The following ZBTB46 variants were observed in gnomAD, a reference collection of about 807,000 sequenced individuals.
The protein encoded by ZBTB46 is zinc finger and BTB domain containing 46, also known as zinc finger and BTB domain-containing protein 46.
Under a neutral mutation model 44.1 loss-of-function variants are expected in ZBTB46, and 8 were observed. The observed-to-expected ratio is 0.18, with a 90% CI of 0.11 to 0.33. The LOEUF (loss-of-function observed/expected upper bound fraction) is 0.33. Among genes scored for constraint, ZBTB46 ranks in the 10% least tolerant of loss-of-function variants. ZBTB46 has a pLI of 1.00. For missense variants in ZBTB46, 651 were observed against 847.7 expected (o/e 0.77, Z 2.88); for synonymous variants, 409 against 382.3 (o/e 1.07, Z -0.81).
rs374089624 is a variant in ZBTB46, at chr20:63,803,139, G to A, written c.-33-12349C>T. Among the ~76,000 whole-genome samples the A allele has an allele frequency of 1.3e-5, 2 of 151,736 alleles. No individual in the cohort carries two copies. The highest frequency in any genetic ancestry group is 2.9e-5 in the Non-Finnish European group (2 of 67,854). On this transcript the variant is annotated intron_variant, in intron 1 of 4. Transcript: ENST00000245663. The surrounding 1 kb of genome is among the most constrained non-coding windows in gnomAD (Gnocchi z 4.0). Reference sequence around the variant, plus strand: ...GGCACCTCACCAGCAGGAACCAGGCGTGGGCACCATCCCCCAGGATGCCAT... The same window carrying A: ...GGCACCTCACCAGCAGGAACCAGGCATGGGCACCATCCCCCAGGATGCCAT...
rs1347375958 is a variant in ZBTB46, at chr20:63,745,823, GA to G, written c.*1106del. On this transcript the variant is annotated 3_prime_UTR_variant, in exon 5 of 5. Transcript: ENST00000245663. The stretch of plus-strand genomic sequence containing the variant: ...CGTGGGACCTTTGCTTTTCACTCAG[GA>G]AAAGAAAGAACATGTGAGTGCTTCT... 1.3e-5 allele frequency: 2 copies of G among 152,378 alleles called. No homozygotes were observed. Among genetic ancestry groups the G allele is most frequent in the East Asian group, 3.8e-4 (2 of 5,324 alleles). The allele number at this position is 152,378 out of a possible 1,614,324, so 9.4% of individuals were successfully genotyped here.
intron 2 of ZBTB46, among the ~76,000 whole-genome samples, chr20:63,781,140 C>CAAAAAAAAAAAAAA (rs58102231): frequency 1.2e-5 from 1 of 83,926 alleles, no homozygotes; most frequent in Non-Finnish European, 2.1e-5. Flanking sequence ...GACTCTGCCT[C>CAAAAAAAAAAAAAA]AAAAAAAAAA....
intron 2 of ZBTB46, among the ~76,000 whole-genome samples, chr20:63,784,956 G>A (rs954114982): frequency 1.3e-5 from 2 of 152,114 alleles, no homozygotes; most frequent in Non-Finnish European, 2.9e-5. Context: ...CTTTGTGGCC[G>A]GGCGTGGTGG....
chr20:63,807,641 G>A (rs1485042417), intron 1 of ZBTB46, among the ~76,000 whole-genome samples: 2 of 152,212 alleles, frequency 1.3e-5, no homozygotes, highest in East Asian at 1.9e-4. Context: ...CACCGCGCCC[G>A]GCCTTCAGCT....
intron 1 of ZBTB46, among the ~76,000 whole-genome samples, chr20:63,818,332 C>G (rs2092771813): frequency 1.3e-5 from 2 of 152,362 alleles, no homozygotes. Context: ...CCCCTGCATC[C>G]AAGTCACGGT....
chr20:63,770,424 G>A (rs1027356002), intron 3 of ZBTB46, among the ~76,000 whole-genome samples: 18 of 152,238 alleles, frequency 1.2e-4, no homozygotes, highest in African/African-American at 3.9e-4. Context: ...TGAATGAGAA[G>A]TATGGCAAGT....
Position 63,752,362 on chromosome 20 carries a change from G to C in ZBTB46, c.1398+324C>G, listed in dbSNP as rs1453316287. ...GGTTCTCCCTCCCGAGGCAGGGCGG[G>C]GGCGGGGGGGCGCAGAGGTGGCTGA... On this transcript the variant is annotated intron_variant, in intron 4 of 4. Coordinates refer to ENST00000245663, the MANE Select transcript of ZBTB46 (RefSeq NM_001369741.1). The surrounding 1 kb of genome is among the most constrained non-coding windows in gnomAD (Gnocchi z 5.6). Among the ~76,000 whole-genome samples the C allele has an allele frequency of 6.6e-6, 1 of 152,120 alleles. No homozygotes were observed. The highest frequency in any genetic ancestry group is 1.9e-4 in the East Asian group (1 of 5,180).
intron 1 of ZBTB46, among the ~76,000 whole-genome samples, chr20:63,821,184 C>CTTT (rs536486903): frequency 0.079 from 11,078 of 139,898 alleles, 843 homozygotes; most frequent in East Asian, 0.44. Flanking sequence ...TGCGCCCGGC[C>CTTT]TTTTTTTTTT....
chr20:63,795,935 T>C (rs1382934348), intron 1 of ZBTB46, among the ~76,000 whole-genome samples: 4 of 152,158 alleles, frequency 2.6e-5, no homozygotes, highest in Admixed American at 6.5e-5. Flanking sequence ...TGTCCATCAT[T>C]GAGCGCCTTT....
At chr20:63,816,819 G>T (rs1001768260) in intron 1 of ZBTB46, among the ~76,000 whole-genome samples, 1 of 152,136 alleles carries the variant, frequency 6.6e-6, no homozygotes, top group Non-Finnish European at 1.5e-5. Flanking sequence ...AAAGGAAAAG[G>T]CCAGGCCTGG....
At chr20:63,747,948 A>G (rs2092120726) in intron 4 of ZBTB46, among the ~76,000 whole-genome samples, 1 of 152,176 alleles carries the variant, frequency 6.6e-6, no homozygotes, top group Non-Finnish European at 1.5e-5. Flanking sequence ...ATTGGACTGG[A>G]GCTCACAGAG....
intron 1 of ZBTB46, among the ~76,000 whole-genome samples, chr20:63,828,205 G>T (rs1389003297): frequency 6.6e-6 from 1 of 152,232 alleles, no homozygotes; most frequent in Admixed American, 6.5e-5. Context: ...CTGTATATGT[G>T]AGGCACTCAA....
intron 3 of ZBTB46, among the ~76,000 whole-genome samples, chr20:63,773,286 T>C (rs1381032864): frequency 7.0e-6 from 1 of 143,020 alleles, no homozygotes; most frequent in Admixed American, 7.3e-5. Context: ...TGGAGGGCAA[T>C]GATGCAATCA....
intron 2 of ZBTB46, among the ~76,000 whole-genome samples, chr20:63,784,710 A>C (rs2092498305): frequency 6.6e-6 from 1 of 152,310 alleles, no homozygotes. Flanking sequence ...TTTTAATGCT[A>C]TTTCCCACAA....
At chr20:63,761,888 GTCT>G (rs1308002598) in intron 3 of ZBTB46, among the ~76,000 whole-genome samples, 3 of 152,152 alleles carry the variant, frequency 2.0e-5, no homozygotes, top group African/African-American at 7.2e-5. Context: ...ATATTCTAGT[GTCT>G]TCTTGTTACT....
intron 3 of ZBTB46, among the ~76,000 whole-genome samples, chr20:63,766,133 G>T (rs1307194839): frequency 6.6e-6 from 1 of 150,588 alleles, no homozygotes; most frequent in Non-Finnish European, 1.5e-5. Context: ...CTCACAGTCA[G>T]ATGCCACAAG....
chr20:63,780,915 G>T (rs557558469), intron 2 of ZBTB46, among the ~76,000 whole-genome samples: 1 of 150,590 alleles, frequency 6.6e-6, no homozygotes, highest in East Asian at 2.0e-4. Context: ...TGGATCATGA[G>T]GTCAGGAGTT....
At chr20:63,789,351 G>A (rs986584405) in intron 2 of ZBTB46, among the ~76,000 whole-genome samples, 2 of 152,198 alleles carry the variant, frequency 1.3e-5, no homozygotes, top group African/African-American at 4.8e-5. Flanking sequence ...AGTGACCAAA[G>A]GCAGAAGTCC....
At chr20:63,786,045 G>A (rs2092511836) in intron 2 of ZBTB46, among the ~76,000 whole-genome samples, 1 of 152,214 alleles carries the variant, frequency 6.6e-6, no homozygotes, top group East Asian at 1.9e-4. Flanking sequence ...ACGGGCACCT[G>A]CCAGCGAGTT....
Sources: allele counts gnomAD v4.1 joint callset (sites outside exome capture counted in the v4.1 genomes callset), GRCh38; gene constraint gnomAD v4.1.1; non-coding constraint Gnocchi (gnomAD v3.1); transcripts MANE v1.5; gene names NCBI Gene and HGNC (gene_info 2026-07-23, HGNC 2026-07-21).